The following TRIM22 variants were observed in gnomAD, a reference collection of about 807,000 sequenced individuals.
TRIM22 encodes the protein E3 ubiquitin-protein ligase TRIM22.
A neutral mutation model predicts 53.6 loss-of-function variants in TRIM22; 45 were observed. The observed-to-expected ratio is 0.84, with a 90% confidence interval of 0.66 to 1.08. The LOEUF is 1.08. Among genes scored for constraint, TRIM22 ranks in the 50% least tolerant of loss-of-function variants. The probability of loss-of-function intolerance (pLI) is 0.00; values close to 1 mark genes in which losing one functional copy is unlikely to be tolerated. For missense variants in TRIM22, 616 were observed against 590.9 expected (o/e 1.04, Z -0.44); for synonymous variants, 225 against 216.6 (o/e 1.04, Z -0.34).
At position 5,709,210 on chromosome 11, in the gene TRIM22, G is replaced by A. The variant is rs763947733; in HGVS notation, c.1059G>A (p.Gly353=). The A allele has an allele frequency of 3.1e-6, 5 of 1,614,120 alleles. No homozygotes were observed. The highest frequency in any genetic ancestry group is 1.6e-4 in the Middle Eastern group (1 of 6,062). ...GVFGCQYFSS[G]KYYWEVDVSG... is the part of the protein sequence containing the mutation. Reference sequence around the variant, plus strand: ...TCGGCTGCCAATATTTCTCTTCGGGGAAATATTACTGGGAAGTAGATGTGT... The same window carrying A: ...TCGGCTGCCAATATTTCTCTTCGGGAAAATATTACTGGGAAGTAGATGTGT... Residue 353 remains glycine, a synonymous_variant, in exon 8 of 8, where the codon GGG becomes GGA. Transcript: ENST00000379965.
At chr11:5,701,871 T>C (rs949723518) in intron 4 of TRIM22, among the ~76,000 whole-genome samples, 72 of 152,238 alleles carry the variant, frequency 4.7e-4, no homozygotes, top group Middle Eastern at 3.4e-3. Flanking sequence ...TGCTGCTACG[T>C]TGTTAGAGCA....
chr11:5,691,911 A>G (rs1302911910), intron 1 of TRIM22, among the ~76,000 whole-genome samples: 1 of 152,124 alleles, frequency 6.6e-6, no homozygotes, highest in Non-Finnish European at 1.5e-5. Flanking sequence ...GTATTTATTC[A>G]TTGTCAAGTC....
chr11:5,703,761 T>C (rs1222281120), intron 4 of TRIM22, among the ~76,000 whole-genome samples: 1 of 152,166 alleles, frequency 6.6e-6, no homozygotes, highest in African/African-American at 2.4e-5. Flanking sequence ...CTACTATTGA[T>C]GGATACCTGG....
Position 5,707,761 on chromosome 11 carries a change from G to A in TRIM22, c.774-412G>A, listed in dbSNP as rs907921011. ...TGGGAGGCAGAGGTTGCAGTGAGCC[G>A]AGGTCGCGCCACTACACTCCAGCCT... On this transcript the variant is annotated intron_variant, in intron 5 of 7. Transcript: ENST00000379965. Among the ~76,000 whole-genome samples the A allele has an allele frequency of 5.3e-5, 8 of 152,206 alleles. No homozygotes were observed. The East Asian group carries it at 1.4e-3, about 26-fold the overall frequency.
chr11:5,709,790 A>AT lies in TRIM22; in HGVS notation c.*142_*143insT. 8 of 753,624 alleles carry AT rather than the reference A, an allele frequency of 1.1e-5. No homozygotes were observed. The highest frequency in any genetic ancestry group is 1.9e-5 in the South Asian group (1 of 53,496). 46.7% of individuals were successfully genotyped at this position (753,624 alleles called of 1,614,324 possible). ...TAGAATGTCTTTGTATTCATTTGCT[A>AT]GGGCTTCCATAGCAAAGCATCATAG... On this transcript the variant is annotated 3_prime_UTR_variant, in exon 8 of 8. Transcript: ENST00000379965.
At chr11:5,708,515 G>A in intron 6 of TRIM22, 62 bp from the exon 7 acceptor site, 1 of 1,499,074 alleles carries the variant, frequency 6.7e-7, no homozygotes, top group Non-Finnish European at 9.1e-7. Flanking sequence ...CTGGAGAAGA[G>A]ACAGGTGTCA....
Position 5,709,844 on chromosome 11 carries a change from C to T in TRIM22, c.*196C>T, listed in dbSNP as rs1205376302. 5 of 582,216 alleles carry T rather than the reference C, an allele frequency of 8.6e-6. No individual in the cohort carries two copies. The highest frequency in any genetic ancestry group is 1.5e-5 in the Non-Finnish European group (5 of 336,022). 36.1% of individuals were successfully genotyped at this position (582,216 alleles called of 1,614,324 possible). A position where few individuals can be genotyped will look rare whatever the true frequency, so the allele number is the denominator to read the frequency against. On this transcript the variant is annotated 3_prime_UTR_variant, in exon 8 of 8. Coordinates refer to ENST00000379965, the MANE Select transcript of TRIM22 (RefSeq NM_006074.5). Reference sequence around the variant, plus strand: ...GCTGATTTAAACTGTAATTGTATTGCCGTACTGTGGGCTGGAAATCCCAAA... The same window carrying T: ...GCTGATTTAAACTGTAATTGTATTGTCGTACTGTGGGCTGGAAATCCCAAA...
intron 1 of TRIM22, 32 bp from the exon 2 acceptor site, chr11:5,696,135 T>G: frequency 8.8e-7 from 1 of 1,135,006 alleles, no homozygotes; most frequent in Non-Finnish European, 1.3e-6. Flanking sequence ...CTATTCCTTC[T>G]TTTCTTACCC....
At chr11:5,692,712 C>G (rs1241835944) in intron 1 of TRIM22, among the ~76,000 whole-genome samples, 1 of 150,616 alleles carries the variant, frequency 6.6e-6, no homozygotes, top group Non-Finnish European at 1.5e-5. Flanking sequence ...AAAATCCCAG[C>G]ACTTTGGGAA....
chr11:5,696,369 C>A lies in TRIM22; in HGVS notation c.137C>A (p.Ser46Ter). 1 of 1,614,242 alleles carries A rather than the reference C, an allele frequency of 6.2e-7. No homozygotes were observed. The highest frequency in any genetic ancestry group is 1.1e-5 in the South Asian group (1 of 91,090). Residue 46 changes from serine to a stop codon, truncating the protein, a stop_gained, in exon 2 of 8, where the codon TCA becomes TAA. Coordinates refer to ENST00000379965, the MANE Select transcript of TRIM22 (RefSeq NM_006074.5). LOFTEE classifies it high-confidence loss of function. ...QACITAKIKESVIISRGESSC... is the reference protein window; with the variant it reads ...QACITAKIKE ...TGCATCACTGCAAAGATCAAGGAGT[C>A]AGTGATCATCTCAAGAGGGGAAAGC...
At chr11:5,701,061 G>C (rs1448223044) in intron 4 of TRIM22, among the ~76,000 whole-genome samples, 1 of 152,016 alleles carries the variant, frequency 6.6e-6, no homozygotes, top group African/African-American at 2.4e-5. Context: ...CCACTTACTT[G>C]TGGTGCACAA....
chr11:5,701,525 T>C (rs76520546), intron 4 of TRIM22, among the ~76,000 whole-genome samples: 2 of 152,228 alleles, frequency 1.3e-5, no homozygotes, highest in Non-Finnish European at 2.9e-5. Flanking sequence ...TTGAGAAGAA[T>C]AGATATTTGC....
In TRIM22 at chr11:5,709,130, C is replaced by T. The variant is rs372042006; in HGVS notation, c.979C>T (p.Arg327Cys). 47 of 1,613,994 alleles carry T rather than the reference C, an allele frequency of 2.9e-5. No homozygotes were observed. Among genetic ancestry groups the T allele is most frequent in the South Asian group, 1.8e-4 (16 of 91,090 alleles). ...SVDQRQVKTV[R>C]TCTFKNSNPC... is the part of the protein sequence containing the mutation. ...GGATCAGAGACAAGTGAAAACTGTACGCACCTGCACATTTAAGAATTCAAA... is the reference window on the plus strand; with the variant it reads ...GGATCAGAGACAAGTGAAAACTGTATGCACCTGCACATTTAAGAATTCAAA... Residue 327 changes from arginine to cysteine, a missense_variant, in exon 8 of 8, where the codon CGC becomes TGC. Coordinates refer to ENST00000379965, the MANE Select transcript of TRIM22 (RefSeq NM_006074.5).
At chr11:5,700,978 C>G (rs1853365547) in intron 4 of TRIM22, among the ~76,000 whole-genome samples, 1 of 151,962 alleles carries the variant, frequency 6.6e-6, no homozygotes, top group Admixed American at 6.6e-5. Flanking sequence ...TATGATTTTT[C>G]TTCTTTATTG....
At chr11:5,695,566 G>GGTT (rs1554942647) in intron 1 of TRIM22, among the ~76,000 whole-genome samples, 1 of 145,752 alleles carries the variant, frequency 6.9e-6, no homozygotes, top group Non-Finnish European at 1.5e-5. Flanking sequence ...TGGCATTAGG[G>GGTT]TTTTTTTTTT....
At chr11:5,700,056 T>C (rs11038759) in intron 4 of TRIM22, among the ~76,000 whole-genome samples, 77,979 of 151,360 alleles carry the variant, frequency 0.52, 20,304 homozygotes, top group Admixed American at 0.57. Flanking sequence ...ATTTTCTACA[T>C]GGAGAATCAT....
chr11:5,700,112 T>C (rs1386740729), intron 4 of TRIM22, among the ~76,000 whole-genome samples: 1 of 150,814 alleles, frequency 6.6e-6, no homozygotes, highest in Non-Finnish European at 1.5e-5. Context: ...GCAGTTTGTA[T>C]GGTTTTTTTT....
chr11:5,706,801 T>A (rs1853463208), intron 5 of TRIM22, among the ~76,000 whole-genome samples, 185 bp downstream of exon 5: 1 of 152,210 alleles, frequency 6.6e-6, no homozygotes, highest in African/African-American at 2.4e-5. Context: ...TGTTGGGAGA[T>A]CACAGAGTTA....
In TRIM22 at chr11:5,689,861, T is replaced by G. The variant is rs964651167; in HGVS notation, c.-105T>G. On this transcript the variant is annotated 5_prime_UTR_variant, in exon 1 of 8. Coordinates refer to ENST00000379965, the MANE Select transcript of TRIM22 (RefSeq NM_006074.5). ...ACCGGCTCCTGCCCTGCCTTCACTC[T>G]TCTCCCCTGATTCAAGACTCCTCTG... 11 of 152,324 alleles carry G rather than the reference T, an allele frequency of 7.2e-5. No individual in the cohort carries two copies. Among genetic ancestry groups the G allele is most frequent in the African/African-American group, 2.7e-4 (11 of 41,460 alleles). 9.4% of individuals were successfully genotyped at this position (152,324 alleles called of 1,614,324 possible). A position where few individuals can be genotyped will look rare whatever the true frequency, so the allele number is the denominator to read the frequency against.
Sources: gnomAD v4.1 joint callset for allele counts (sites outside exome capture counted in the v4.1 genomes callset) on GRCh38, gnomAD v4.1.1 for gene constraint, MANE v1.5 for transcripts, NCBI Gene and HGNC (gene_info 2026-07-23, HGNC 2026-07-21) for gene names.